TPP2: variants seen among roughly 807,000 people sequenced by gnomAD.
The protein encoded by TPP2 is tripeptidyl peptidase 2.
In TPP2, 34 loss-of-function variants were observed where a neutral mutation model predicts 155.9. The ratio of observed to expected loss-of-function variants is 0.22; its 90% CI spans 0.17 to 0.29. The LOEUF (loss-of-function observed/expected upper bound fraction) is 0.29. TPP2 is among the 10% of genes least tolerant of loss of function. The pLI is 1.00. For synonymous variants in TPP2, 510 were observed against 529.4 expected, an observed-to-expected ratio of 0.96 and a Z score of 0.50; for missense variants, 1,028 against 1,522.3, an observed-to-expected ratio of 0.68 and a Z score of 5.40.
At chr13:102,609,018 T>C (rs938790350) in intron 2 of TPP2, among the ~76,000 whole-genome samples, 1 of 152,248 alleles carries the variant, frequency 6.6e-6, no homozygotes, top group East Asian at 1.9e-4. Flanking sequence ...TCCCTCAGGA[T>C]GCCCAGTTAC....
intron 19 of TPP2, among the ~76,000 whole-genome samples, chr13:102,645,774 C>T (rs1883057665): frequency 6.6e-6 from 1 of 152,158 alleles, no homozygotes; most frequent in African/African-American, 2.4e-5. Context: ...TGTCAGTTTT[C>T]TCCTTTATAA....
intron 10 of TPP2, among the ~76,000 whole-genome samples, chr13:102,633,113 C>T (rs1185445664): frequency 6.6e-6 from 1 of 152,190 alleles, no homozygotes; most frequent in African/African-American, 2.4e-5. Context: ...AATGTATGGC[C>T]ACTTAGCCAG....
chr13:102,617,767 A>C (rs1328807816), intron 4 of TPP2, among the ~76,000 whole-genome samples: 1 of 152,198 alleles, frequency 6.6e-6, no homozygotes, highest in South Asian at 2.1e-4. Flanking sequence ...ATAAATTGCC[A>C]AATAGTAAAT....
chr13:102,677,223 G>A (rs1191971897), intron 29 of TPP2, among the ~76,000 whole-genome samples: 1 of 152,168 alleles, frequency 6.6e-6, no homozygotes, highest in Non-Finnish European at 1.5e-5. Flanking sequence ...TAGATTAAGA[G>A]AACTCTTTCT....
intron 27 of TPP2, among the ~76,000 whole-genome samples, chr13:102,671,787 A>G (rs1169176226): frequency 1.3e-5 from 2 of 152,118 alleles, no homozygotes; most frequent in Non-Finnish European, 2.9e-5. Context: ...TTGCCCGGTA[A>G]CAGCGGGGCT....
chr13:102,629,398 A>G (rs1459934649), intron 8 of TPP2, 84 bp from the exon 9 acceptor site: 1 of 1,368,200 alleles, frequency 7.3e-7, no homozygotes, highest in Non-Finnish European at 9.4e-7. Flanking sequence ...TTATGTAGCC[A>G]TATATTTAAA....
intron 10 of TPP2, among the ~76,000 whole-genome samples, 180 bp from the exon 11 acceptor site, chr13:102,633,770 T>G (rs1250697442): frequency 6.6e-6 from 1 of 152,188 alleles, no homozygotes; most frequent in Admixed American, 6.5e-5. Flanking sequence ...TATGGGAAAA[T>G]GGCTCTGCTG....
chr13:102,671,285 G>C (rs369085265), intron 27 of TPP2, among the ~76,000 whole-genome samples: 10 of 152,200 alleles, frequency 6.6e-5, no homozygotes, highest in African/African-American at 2.4e-4. Flanking sequence ...CGTAAGTCAT[G>C]CAAAAGTCTC....
At chr13:102,617,741 ACGACTAC>A (rs1417659518) in intron 4 of TPP2, among the ~76,000 whole-genome samples, 14 of 152,234 alleles carry the variant, frequency 9.2e-5, no homozygotes, top group Non-Finnish European at 1.9e-4. Flanking sequence ...TTGATCAAAG[ACGACTAC>A]CTTTTTCAAT....
chr13:102,622,934 C>A lies in TPP2; in HGVS notation c.678C>A (p.Asn226Lys). The change falls in exon 6 of 30, where the codon AAC becomes AAA. Residue 226 changes from asparagine to lysine, a missense_variant. By Grantham distance (94) the Asn-to-Lys change is moderately conservative (BLOSUM62 0). Coordinates refer to ENST00000376052, the MANE Select transcript of TPP2 (RefSeq NM_001330588.2). The part of the protein sequence containing the change: ...GDLSKSTVLR[N>K]YKEAQEYGSF... ...TGAGTAAATCTACCGTGTTGAGAAACTACAAAGAAGCCCAAGAATATGGCT... is the reference window on the plus strand; with the variant it reads ...TGAGTAAATCTACCGTGTTGAGAAAATACAAAGAAGCCCAAGAATATGGCT... The A allele has an allele frequency of 6.2e-7, 1 of 1,614,072 alleles. No homozygotes were observed. The highest frequency in any genetic ancestry group is 8.5e-7 in the Non-Finnish European group (1 of 1,179,980).
chr13:102,611,028 A>G (rs1371898280), intron 2 of TPP2, among the ~76,000 whole-genome samples: 2 of 152,216 alleles, frequency 1.3e-5, no homozygotes, highest in Non-Finnish European at 2.9e-5. Flanking sequence ...TTTGAACTTT[A>G]CATAAACAGT....
At position 102,671,868 on chromosome 13, in the gene TPP2, C is replaced by T. The variant is rs577140208; in HGVS notation, c.3372-2415C>T. Among the ~76,000 whole-genome samples, 13 of 151,950 alleles carry T rather than the reference C, an allele frequency of 8.6e-5. No individual in the cohort carries two copies. In the South Asian group the frequency reaches 1.9e-3, roughly 22 times the overall value. ...GCATTAGGTCCCTTAATTGAGCCTGCGAAACCGAGCCTCCACTAGCTTTAA... is the reference window on the plus strand; with the variant it reads ...GCATTAGGTCCCTTAATTGAGCCTGTGAAACCGAGCCTCCACTAGCTTTAA... On this transcript the variant is annotated intron_variant, in intron 27 of 29. Coordinates refer to ENST00000376052, the MANE Select transcript of TPP2 (RefSeq NM_001330588.2).
chr13:102,650,181 A>G (rs1363920006), intron 23 of TPP2, among the ~76,000 whole-genome samples: 1 of 152,102 alleles, frequency 6.6e-6, no homozygotes, highest in Non-Finnish European at 1.5e-5. Flanking sequence ...AATGATGTTT[A>G]TATAGATCTA....
At chr13:102,624,629 A>G (rs1317973291) in intron 6 of TPP2, among the ~76,000 whole-genome samples, 2 of 152,168 alleles carry the variant, frequency 1.3e-5, no homozygotes, top group East Asian at 1.9e-4. Context: ...TTCACTCAGC[A>G]TAATGATTTT....
chr13:102,617,479 G>C (rs918800446), intron 4 of TPP2, among the ~76,000 whole-genome samples: 1 of 152,128 alleles, frequency 6.6e-6, no homozygotes, highest in Non-Finnish European at 1.5e-5. Context: ...AAACAGCATC[G>C]ATGTTTGTGA....
rs773926638 is a variant in TPP2 at position 102,674,276 on chromosome 13, T to C, written c.3372-7T>C. On this transcript the variant is annotated splice_region_variant and splice_polypyrimidine_tract_variant and intron_variant, in intron 27 of 29. Transcript: ENST00000376052. ...ATATCTGAAATATTTTTTAATTTGC[T>C]GTACAGTGACATGGACAAACAAAAA... The C allele has an allele frequency of 1.2e-6, 2 of 1,611,132 alleles. No homozygotes were observed. The highest frequency in any genetic ancestry group is 1.7e-6 in the Non-Finnish European group (2 of 1,178,816).
In TPP2 at chr13:102,623,009, T is replaced by A; in HGVS notation, c.753T>A (p.Asp251Glu). The A allele has an allele frequency of 6.2e-7, 1 of 1,613,748 alleles. No homozygotes were observed. The highest frequency in any genetic ancestry group is 8.5e-7 in the Non-Finnish European group (1 of 1,179,934). The change falls in exon 6 of 30, where the codon GAT (aspartate) becomes GAA (glutamate). Residue 251 changes from aspartate (D) to glutamate (E), a missense_variant. Around this residue, in one of 7 missense-constraint regions of TPP2, gnomAD observed 300 missense variants for 398.3 expected, o/e 0.75. Coordinates refer to ENST00000376052, the MANE Select transcript of TPP2 (RefSeq NM_001330588.2). ...ATTACTCCGTTAATATATACGATGA[T>A]GGAAACCTGCTCTCCATTGTGACCA... ...MLNYSVNIYDDGNLLSIVTSG... is the reference protein window; with the variant it reads ...MLNYSVNIYDEGNLLSIVTSG...
chr13:102,653,260 G>T (rs897843830), intron 24 of TPP2, among the ~76,000 whole-genome samples: 1 of 152,046 alleles, frequency 6.6e-6, no homozygotes, highest in Admixed American at 6.5e-5. Context: ...TATAATTTCC[G>T]GTTGATTAAG....
intron 1 of TPP2, among the ~76,000 whole-genome samples, chr13:102,599,708 C>T (rs1378456043): frequency 6.6e-6 from 1 of 152,130 alleles, no homozygotes; most frequent in Non-Finnish European, 1.5e-5. Context: ...TTTCATATTT[C>T]CTCAGCAGAT....
Sources: gnomAD v4.1 joint callset for allele counts (sites outside exome capture counted in the v4.1 genomes callset) on GRCh38, gnomAD v4.1.1 for gene constraint, gnomAD v4.1.1 regional missense constraint, MANE v1.5 for transcripts, NCBI Gene and HGNC (gene_info 2026-07-23, HGNC 2026-07-21) for gene names.